FBXO5: variants seen among roughly 807,000 people sequenced by gnomAD.
FBXO5 encodes the protein F-box only protein 5.
FBXO5 carries 8 observed loss-of-function variants against 43.3 expected under a neutral mutation model. The ratio of observed to expected loss-of-function variants is 0.18; its 90% confidence interval spans 0.11 to 0.33. FBXO5 has a LOEUF of 0.33. Among genes scored for constraint, FBXO5 ranks in the 10% least tolerant of loss-of-function variants. The pLI is 1.00. For synonymous variants in FBXO5, 204 were observed against 193.7 expected (o/e 1.05, Z -0.44); for missense variants, 491 against 535.7 (o/e 0.92, Z 0.82).
chr6:152,971,551 CCTAA>C (rs1329589183), intron 4 of FBXO5, 137 bp from the exon 5 acceptor site: 34 of 827,336 alleles, frequency 4.1e-5, no homozygotes, highest in African/African-American at 1.2e-4. Context: ...TAACTACTGC[CCTAA>C]CTATTGCCCT....
chr6:152,981,588 GA>G (rs966482905), intron 1 of FBXO5, among the ~76,000 whole-genome samples: 5 of 150,250 alleles, frequency 3.3e-5, no homozygotes, highest in Non-Finnish European at 7.4e-5. Flanking sequence ...GTAAACTGGG[GA>G]AAAAATTCCA....
chr6:152,983,115 G>A (rs1301342506), upstream of FBXO5: 2 of 434,634 alleles, frequency 4.6e-6, no homozygotes, highest in Non-Finnish European at 8.1e-6. Context: ...CCAATGAGAC[G>A]CGTCGCTTGC....
intron 4 of FBXO5, 73 bp downstream of exon 4, chr6:152,972,199 C>T: frequency 1.8e-6 from 2 of 1,101,402 alleles, no homozygotes; most frequent in East Asian, 2.4e-5. Context: ...TACATTTTGA[C>T]CTTGAAAGTT....
chr6:152,982,231 G>C (rs1778271344), intron 1 of FBXO5, among the ~76,000 whole-genome samples: 1 of 152,166 alleles, frequency 6.6e-6, no homozygotes, highest in Non-Finnish European at 1.5e-5. Flanking sequence ...TGGGGAGGGA[G>C]ACCCTGGAAC....
At chr6:152,981,631 T>G (rs1223743549) in intron 1 of FBXO5, among the ~76,000 whole-genome samples, 2 of 150,482 alleles carry the variant, frequency 1.3e-5, no homozygotes, top group African/African-American at 4.9e-5. Flanking sequence ...AGGAGCAAGG[T>G]AGTAAAGACA....
At chr6:152,974,874 T>C in intron 2 of FBXO5, 33 bp downstream of exon 2, 1 of 1,505,900 alleles carries the variant, frequency 6.6e-7, no homozygotes, top group Non-Finnish European at 9.0e-7. Context: ...TTCAGTGTAT[T>C]ATGCTAATAT....
At chr6:152,974,181 G>A (rs1778127223) in intron 2 of FBXO5, among the ~76,000 whole-genome samples, 1 of 151,700 alleles carries the variant, frequency 6.6e-6, no homozygotes, top group South Asian at 2.1e-4. Flanking sequence ...GCTCCAGCCT[G>A]GGTGACTGGA....
Position 152,972,332 on chromosome 6 carries a change from C to G in FBXO5, c.1032G>C (p.Lys344Asn). 6.2e-7 allele frequency: 1 copy of G among 1,612,926 alleles called. No homozygotes were observed. The highest frequency in any genetic ancestry group is 8.5e-7 in the Non-Finnish European group (1 of 1,179,324). The stretch of plus-strand genomic sequence containing the variant: ...CTTTCTGATCACCTTGATTGGATAA[C>G]TTGGTTTGAGCATCTTTTTTGAGAG... ...QTSLKKDAQT[K>N]LSNQGDQKGS... is the part of the protein sequence containing the mutation. The change falls in exon 4 of 5, where the codon AAG (lysine) becomes AAC (asparagine). Residue 344 changes from lysine to asparagine, a missense_variant. By Grantham distance (94) the Lys-to-Asn change is moderately conservative (BLOSUM62 0). Transcript: ENST00000229758.
chr6:152,976,811 A>C (rs1778175683), intron 1 of FBXO5, among the ~76,000 whole-genome samples: 1 of 152,218 alleles, frequency 6.6e-6, no homozygotes, highest in South Asian at 2.1e-4. Flanking sequence ...GCTTTAAAGC[A>C]AGATTTCACC....
At chr6:152,975,776 AATT>A (rs1406657762) in intron 1 of FBXO5, among the ~76,000 whole-genome samples, 155 bp from the exon 2 acceptor site, 6 of 152,208 alleles carry the variant, frequency 3.9e-5, no homozygotes, top group African/African-American at 1.4e-4. Context: ...ATTCAAGTTT[AATT>A]ATTGATATGA....
intron 2 of FBXO5, chr6:152,973,396 T>C (rs1436284458): frequency 2.7e-6 from 1 of 369,058 alleles, no homozygotes; most frequent in Non-Finnish European, 5.0e-6. Flanking sequence ...CAGTATTTTT[T>C]CACAATATCT....
At chr6:152,972,486 G>T (rs930099676) in intron 3 of FBXO5, 32 bp from the exon 4 acceptor site, 2 of 1,454,580 alleles carry the variant, frequency 1.4e-6, no homozygotes, top group African/African-American at 2.9e-5. Context: ...ATAGAATTTA[G>T]AAATTATTTC....
Position 152,971,031 on chromosome 6 carries a change from G to T in FBXO5, c.*132C>A. ...GTTGTCTATCCTCTTTATCTTCTGG[G>T]GGGAAAAAAACCTCAGGATACTACA... On this transcript the variant is annotated 3_prime_UTR_variant, in exon 5 of 5. Coordinates refer to ENST00000229758, the MANE Select transcript of FBXO5 (RefSeq NM_012177.5). The T allele has an allele frequency of 1.3e-6, 1 of 784,426 alleles. No individual in the cohort carries two copies. The highest frequency in any genetic ancestry group is 1.9e-6 in the Non-Finnish European group (1 of 532,396). The allele number at this position is 784,426 out of a possible 1,614,324, so 48.6% of individuals were successfully genotyped here. A position where few individuals can be genotyped will look rare whatever the true frequency, so the allele number is the denominator to read the frequency against.
At chr6:152,981,749 TATTAAA>T (rs1364057419) in intron 1 of FBXO5, among the ~76,000 whole-genome samples, 1 of 151,948 alleles carries the variant, frequency 6.6e-6, no homozygotes, top group African/African-American at 2.4e-5. Context: ...ATATTTAATC[TATTAAA>T]ATTAAAATTA....
chr6:152,971,422 G>GA lies in FBXO5; in HGVS notation c.1093-9dup, dbSNP rs35736062. The GA allele has an allele frequency of 0.12, 166,704 of 1,415,058 alleles. 5,451 individuals carry two copies. The highest frequency in any genetic ancestry group is 0.2 in the South Asian group (14,751 of 73,062). The allele number at this position is 1,415,058 out of a possible 1,614,324, so 87.7% of individuals were successfully genotyped here. On this transcript the variant is annotated splice_polypyrimidine_tract_variant and intron_variant, in intron 4 of 4. Transcript: ENST00000229758. ...TTTCAATGTCTTGGCAACCTAAAAA[G>GA]AAAAAAAAAACCCATTAACAAATTT...
Position 152,970,987 on chromosome 6 carries a change from T to G in FBXO5, c.*176A>C, listed in dbSNP as rs1320912518. On this transcript the variant is annotated 3_prime_UTR_variant, in exon 5 of 5. Transcript: ENST00000229758. Reference sequence around the variant, plus strand: ...AATTTTAAACTTTTTCTCATTAAATTGTAAAAATATTTTAAGAGGTTGTCT... The same window carrying G: ...AATTTTAAACTTTTTCTCATTAAATGGTAAAAATATTTTAAGAGGTTGTCT... 2.1e-6 allele frequency: 1 copy of G among 479,718 alleles called. No individual in the cohort carries two copies. The highest frequency in any genetic ancestry group is 3.5e-6 in the Non-Finnish European group (1 of 285,010). The allele number at this position is 479,718 out of a possible 1,614,324, so 29.7% of individuals were successfully genotyped here.
chr6:152,974,328 T>C (rs768850621), intron 2 of FBXO5, among the ~76,000 whole-genome samples: 2 of 152,192 alleles, frequency 1.3e-5, no homozygotes, highest in Non-Finnish European at 2.9e-5. Flanking sequence ...TCATACTTTC[T>C]GGTGTGACAA....
chr6:152,971,304 A>G lies in FBXO5; in HGVS notation c.1203T>C (p.Cys401=), dbSNP rs1778082441. Residue 401 remains cysteine, a synonymous_variant, in exon 5 of 5, where the codon TGT becomes TGC. Transcript: ENST00000229758. ...GACACTTCGTACAATAATCAAATCC[A>G]CAGCCTTCTCGTTTGCAGGTTGCCC... ...LQRATCKREG[C]GFDYCTKCLC... is the part of the protein sequence containing the mutation. 6.2e-7 allele frequency: 1 copy of G among 1,613,968 alleles called. No homozygotes were observed. The highest frequency in any genetic ancestry group is 8.5e-7 in the Non-Finnish European group (1 of 1,179,976).
At chr6:152,982,080 T>G (rs562563589) in intron 1 of FBXO5, among the ~76,000 whole-genome samples, 1 of 152,356 alleles carries the variant, frequency 6.6e-6, no homozygotes, top group East Asian at 1.9e-4. Context: ...TTTTTTAAAG[T>G]CTTCCCTTTC....
Sources: allele counts gnomAD v4.1 joint callset (sites outside exome capture counted in the v4.1 genomes callset), GRCh38; gene constraint gnomAD v4.1.1; transcripts MANE v1.5; gene names NCBI Gene and HGNC (gene_info 2026-07-23, HGNC 2026-07-21).